AOAH: variants seen among roughly 807,000 people sequenced by gnomAD.
AOAH encodes acyloxyacyl hydrolase, also known as acyloxyacyl hydrolase (neutrophil).
Under a neutral mutation model 92.2 loss-of-function variants are expected in AOAH, and 64 were observed. The observed-to-expected ratio is 0.69, with a 90% CI of 0.57 to 0.86. AOAH has a LOEUF of 0.86. AOAH is among the 40% of genes least tolerant of loss of function. The probability of loss-of-function intolerance (pLI) is 0.00; values close to 1 mark genes in which losing one functional copy is unlikely to be tolerated. For synonymous variants in AOAH, 263 were observed against 254.5 expected (o/e 1.03, Z -0.32); for missense variants, 656 against 694.6 (o/e 0.94, Z 0.62).
rs1793643382 is a variant in AOAH, at chr7:36,638,008, A to G, written c.391-98T>C. On this transcript the variant is annotated intron_variant, in intron 4 of 20. Transcript: ENST00000617537. ...GATATTTAAAGTCCATAAGTTTTCA[A>G]TAAATGAACCACTCCATAAATTTGT... The G allele has an allele frequency of 1.6e-5, 15 of 909,920 alleles. No individual in the cohort carries two copies. The South Asian group carries it at 2.2e-4, about 13-fold the overall frequency. The allele number at this position is 909,920 out of a possible 1,614,324, so 56.4% of individuals were successfully genotyped here. A position where few individuals can be genotyped will look rare whatever the true frequency, so the allele number is the denominator to read the frequency against.
At chr7:36,616,017 A>G (rs1791853322) in intron 11 of AOAH, among the ~76,000 whole-genome samples, 1 of 152,290 alleles carries the variant, frequency 6.6e-6, no homozygotes, top group Non-Finnish European at 1.5e-5. Flanking sequence ...TGCTCTGCCC[A>G]GAGCTTCTTG....
At chr7:36,533,809 C>A (rs1255234392) in intron 16 of AOAH, among the ~76,000 whole-genome samples, 1 of 151,620 alleles carries the variant, frequency 6.6e-6, no homozygotes, top group East Asian at 2.0e-4. Flanking sequence ...ACGTGCTCTC[C>A]TGGCTTCGCT....
intron 4 of AOAH, among the ~76,000 whole-genome samples, chr7:36,640,071 G>T (rs145933814): frequency 3.3e-5 from 5 of 152,274 alleles, no homozygotes; most frequent in African/African-American, 1.2e-4. Flanking sequence ...TCTAGGGTGG[G>T]TTCATCTGGA....
At chr7:36,550,855 C>T (rs976151485) in intron 13 of AOAH, among the ~76,000 whole-genome samples, 8 of 152,064 alleles carry the variant, frequency 5.3e-5, no homozygotes, top group Admixed American at 2.0e-4. Context: ...TCCAGTTCCA[C>T]GTGGGAAAAA....
intron 2 of AOAH, 72 bp downstream of exon 2, chr7:36,686,626 TA>T: frequency 1.3e-6 from 1 of 773,356 alleles, no homozygotes; most frequent in Non-Finnish European, 1.9e-6. Flanking sequence ...GGGCAGGAAG[TA>T]AAGGCAGTCA....
intron 13 of AOAH, among the ~76,000 whole-genome samples, chr7:36,551,231 G>T (rs1370103543): frequency 6.6e-6 from 1 of 151,890 alleles, no homozygotes; most frequent in Non-Finnish European, 1.5e-5. Flanking sequence ...GTGCCACCAT[G>T]CTTGGCTAGT....
At chr7:36,609,026 A>T (rs765937049) in intron 11 of AOAH, among the ~76,000 whole-genome samples, 2 of 152,118 alleles carry the variant, frequency 1.3e-5, no homozygotes, top group Non-Finnish European at 1.5e-5. Flanking sequence ...GCAATTGGCA[A>T]TGAGCTCTAG....
intron 12 of AOAH, among the ~76,000 whole-genome samples, chr7:36,584,041 C>T (rs1420432517): frequency 6.6e-6 from 1 of 152,202 alleles, no homozygotes; most frequent in African/African-American, 2.4e-5. Flanking sequence ...ATAAAACACA[C>T]ACACAAATTC....
chr7:36,565,930 A>G (rs1306125445), intron 13 of AOAH, among the ~76,000 whole-genome samples: 1 of 152,136 alleles, frequency 6.6e-6, no homozygotes, highest in African/African-American at 2.4e-5. Context: ...ACCTTATTTA[A>G]ATTTCACTAA....
chr7:36,627,200 C>A (rs1295235005), intron 6 of AOAH, among the ~76,000 whole-genome samples: 1 of 152,014 alleles, frequency 6.6e-6, no homozygotes, highest in Non-Finnish European at 1.5e-5. Context: ...TAACTATAGT[C>A]CTGGGTGAAA....
At chr7:36,700,895 A>T (rs1797988913) in intron 1 of AOAH, among the ~76,000 whole-genome samples, 1 of 152,052 alleles carries the variant, frequency 6.6e-6, no homozygotes, top group South Asian at 2.1e-4. Flanking sequence ...ATAAGATGAT[A>T]TCTCATTGTG....
chr7:36,602,973 A>T (rs553839474), intron 11 of AOAH, among the ~76,000 whole-genome samples: 6 of 152,116 alleles, frequency 3.9e-5, no homozygotes, highest in Non-Finnish European at 8.8e-5. Context: ...CCCTCTGGGC[A>T]TACACATCTG....
chr7:36,647,674 A>C (rs1477256660), intron 4 of AOAH, among the ~76,000 whole-genome samples: 1 of 152,214 alleles, frequency 6.6e-6, no homozygotes, highest in Admixed American at 6.5e-5. Flanking sequence ...TCTTAATACA[A>C]GTTTAAGTAG....
chr7:36,701,893 T>G (rs1798057270), intron 1 of AOAH, among the ~76,000 whole-genome samples: 1 of 152,102 alleles, frequency 6.6e-6, no homozygotes, highest in South Asian at 2.1e-4. Context: ...TTTTTTGCAC[T>G]ATTTTACTTC....
intron 6 of AOAH, among the ~76,000 whole-genome samples, chr7:36,627,365 C>T (rs1353102343): frequency 3.3e-5 from 5 of 152,288 alleles, no homozygotes; most frequent in Non-Finnish European, 7.4e-5. Flanking sequence ...GGAAAAGCCA[C>T]GGGAATTCTT....
intron 15 of AOAH, among the ~76,000 whole-genome samples, chr7:36,543,947 C>T (rs10261288): frequency 0.46 from 42,250 of 92,498 alleles, 10,957 homozygotes; most frequent in South Asian, 0.59. Context: ...TTCTTTCTTT[C>T]TTTTTTTTTT....
At chr7:36,548,262 G>A (rs907196274) in intron 15 of AOAH, among the ~76,000 whole-genome samples, 1 of 152,112 alleles carries the variant, frequency 6.6e-6, no homozygotes, top group Non-Finnish European at 1.5e-5. Flanking sequence ...CTCAGCTCAT[G>A]GCAACCTCTG....
Position 36,621,738 on chromosome 7 carries a change from T to C in AOAH, c.625A>G (p.Ser209Gly). ...CTACCTGGGTACACTGACTCGTCGCTGTCATTACAGTCTCTCCCCCGCCAG... is the reference window on the plus strand; with the variant it reads ...CTACCTGGGTACACTGACTCGTCGCCGTCATTACAGTCTCTCCCCCGCCAG... Reference protein sequence around the residue: ...YHWRGRDCNDSDESVYPGRRP... With the variant: ...YHWRGRDCNDGDESVYPGRRP... Residue 209 changes from serine (S) to glycine (G), a missense_variant, in exon 8 of 21, where the codon AGC becomes GGC. Physicochemically the swap from Ser to Gly is moderately conservative, Grantham distance 56 (BLOSUM62 0). Coordinates refer to ENST00000617537, the MANE Select transcript of AOAH (RefSeq NM_001637.4). 1.9e-6 allele frequency: 3 copies of C among 1,614,142 alleles called. No homozygotes were observed. The highest frequency in any genetic ancestry group is 1.1e-5 in the South Asian group (1 of 91,082).
chr7:36,558,337 C>T (rs903957320), intron 13 of AOAH, among the ~76,000 whole-genome samples: 1 of 152,160 alleles, frequency 6.6e-6, no homozygotes, highest in Non-Finnish European at 1.5e-5. Flanking sequence ...TCTGATCGTT[C>T]CTCTGGAAGT....
Sources: allele counts gnomAD v4.1 joint callset (sites outside exome capture counted in the v4.1 genomes callset), GRCh38; gene constraint gnomAD v4.1.1; transcripts MANE v1.5; gene names NCBI Gene and HGNC (gene_info 2026-07-23, HGNC 2026-07-21).